Variants in FRMD4A observed in about 807,000 individuals in gnomAD.
The protein encoded by FRMD4A is FERM domain-containing protein 4A.
Under a neutral mutation model 129.1 loss-of-function variants are expected in FRMD4A, and 29 were observed. That is an observed-to-expected ratio of 0.22 (90% CI 0.17 to 0.31). FRMD4A has a LOEUF of 0.31. FRMD4A is among the 10% of genes least tolerant of loss of function. The pLI is 1.00. For synonymous variants in FRMD4A, 634 were observed against 571.6 expected (o/e 1.11, Z -1.56); for missense variants, 1,272 against 1,375.8 (o/e 0.92, Z 1.19).
intron 14 of FRMD4A, among the ~76,000 whole-genome samples, chr10:13,694,268 C>T (rs1349273375): frequency 1.3e-5 from 2 of 152,218 alleles, no homozygotes; most frequent in Non-Finnish European, 2.9e-5. Flanking sequence ...ATGTTCTAAG[C>T]CTCCGATTCT....
At chr10:13,983,141 A>T (rs920592107) in intron 2 of FRMD4A, among the ~76,000 whole-genome samples, 1 of 152,018 alleles carries the variant, frequency 6.6e-6, no homozygotes, top group African/African-American at 2.4e-5. Flanking sequence ...TTGTATTTTT[A>T]GTGGAGATGA....
At chr10:14,181,686 A>G (rs140213643) in intron 2 of FRMD4A, among the ~76,000 whole-genome samples, 544 of 152,258 alleles carry the variant, frequency 3.6e-3, no homozygotes, top group Non-Finnish European at 5.7e-3. Flanking sequence ...TTGTGAAATG[A>G]TTACCATGAA....
At chr10:13,667,856 T>C (rs1177597448) in intron 17 of FRMD4A, 1 of 152,210 alleles carries the variant, frequency 6.6e-6, no homozygotes, top group Non-Finnish European at 1.5e-5. Flanking sequence ...CCAGGACAAA[T>C]GCATCGGCAG....
intron 6 of FRMD4A, among the ~76,000 whole-genome samples, chr10:13,769,144 C>T (rs1209790557): frequency 6.6e-6 from 1 of 151,284 alleles, no homozygotes; most frequent in Non-Finnish European, 1.5e-5. Context: ...GCACCCACCA[C>T]CACGCCTGGC....
chr10:13,939,804 T>G (rs1368414922), intron 2 of FRMD4A, among the ~76,000 whole-genome samples: 1 of 152,202 alleles, frequency 6.6e-6, no homozygotes, highest in Non-Finnish European at 1.5e-5. Context: ...CTAGTCTTTG[T>G]TAAATCAGAT....
chr10:14,304,599 C>T (rs912700825), intron 2 of FRMD4A, among the ~76,000 whole-genome samples: 2 of 152,162 alleles, frequency 1.3e-5, no homozygotes, highest in Non-Finnish European at 2.9e-5. Flanking sequence ...CCTGGGAGCA[C>T]GCTGAGTCTG....
chr10:13,820,708 G>C (rs1288071692), intron 3 of FRMD4A, among the ~76,000 whole-genome samples: 4 of 152,330 alleles, frequency 2.6e-5, no homozygotes, highest in South Asian at 2.1e-4. Flanking sequence ...AGAGCCCCCA[G>C]TGACTGCTAA....
chr10:13,940,850 C>T (rs2095286250), intron 2 of FRMD4A, among the ~76,000 whole-genome samples: 1 of 152,158 alleles, frequency 6.6e-6, no homozygotes, highest in Non-Finnish European at 1.5e-5. Flanking sequence ...ATTTCCTAGT[C>T]CAACCCTCCG....
intron 2 of FRMD4A, among the ~76,000 whole-genome samples, chr10:14,124,459 T>G (rs912910504): frequency 1.3e-5 from 2 of 152,164 alleles, no homozygotes; most frequent in African/African-American, 2.4e-5. Flanking sequence ...GTGGATCACC[T>G]GAGGTCAGGA....
intron 2 of FRMD4A, among the ~76,000 whole-genome samples, chr10:14,026,753 T>C (rs1477248272): frequency 1.3e-5 from 2 of 152,192 alleles, no homozygotes; most frequent in Non-Finnish European, 2.9e-5. Context: ...CCATCTTTTG[T>C]TAAAACTATA....
intron 9 of FRMD4A, among the ~76,000 whole-genome samples, chr10:13,743,128 TG>T (rs887926751): frequency 4.6e-5 from 7 of 152,278 alleles, no homozygotes; most frequent in South Asian, 4.2e-4. Context: ...GTCACTTCTG[TG>T]GGGTCTGGAT....
chr10:13,689,549 C>CTTTTTTTTTTTTTTTTTTT (rs34800095), intron 15 of FRMD4A, among the ~76,000 whole-genome samples: 15 of 128,638 alleles, frequency 1.2e-4, no homozygotes, highest in African/African-American at 4.6e-4. Flanking sequence ...TTAGAAGATT[C>CTTTTTTTTTTTTTTTTTTT]TTTTTTTTTT....
chr10:14,104,074 A>G (rs1417012750), intron 2 of FRMD4A, among the ~76,000 whole-genome samples: 1 of 152,082 alleles, frequency 6.6e-6, no homozygotes, highest in Admixed American at 6.5e-5. Flanking sequence ...CCCATGTTTT[A>G]TGTGCTTCCC....
At chr10:13,689,607 T>C (rs1394963632) in intron 15 of FRMD4A, among the ~76,000 whole-genome samples, 1 of 150,506 alleles carries the variant, frequency 6.6e-6, no homozygotes, top group Non-Finnish European at 1.5e-5. Context: ...GCTGTTAGTA[T>C]AGTGATACCA....
At chr10:14,100,307 G>A (rs185474319) in intron 2 of FRMD4A, among the ~76,000 whole-genome samples, 2 of 152,062 alleles carry the variant, frequency 1.3e-5, no homozygotes, top group Admixed American at 1.3e-4. Context: ...ATAAATATTC[G>A]ATGGCAGCCA....
chr10:13,966,472 C>T (rs139752574), intron 2 of FRMD4A, among the ~76,000 whole-genome samples: 2 of 152,214 alleles, frequency 1.3e-5, no homozygotes, highest in African/African-American at 2.4e-5. Flanking sequence ...GGGAGGGTAA[C>T]GTGATAAAGA....
intron 2 of FRMD4A, among the ~76,000 whole-genome samples, chr10:13,989,707 C>G (rs1195011135): frequency 6.6e-6 from 1 of 152,150 alleles, no homozygotes; most frequent in East Asian, 1.9e-4. Flanking sequence ...GAAATGGAAG[C>G]AGGGAGACAG....
chr10:14,163,871 G>A (rs541534921), intron 2 of FRMD4A, among the ~76,000 whole-genome samples: 3 of 152,284 alleles, frequency 2.0e-5, no homozygotes, highest in East Asian at 3.9e-4. Context: ...ATATTCCAGC[G>A]TGAGGTCACT....
At chr10:14,271,676 A>G (rs1189505255) in intron 2 of FRMD4A, among the ~76,000 whole-genome samples, 1 of 152,230 alleles carries the variant, frequency 6.6e-6, no homozygotes, top group African/African-American at 2.4e-5. Context: ...TCATCTTCTT[A>G]CAATGCTGGA....
Sources: gnomAD v4.1 joint callset for allele counts (sites outside exome capture counted in the v4.1 genomes callset) on GRCh38, gnomAD v4.1.1 for gene constraint, MANE v1.5 for transcripts, NCBI Gene and HGNC (gene_info 2026-07-23, HGNC 2026-07-21) for gene names.